Variants in SYN3 observed in about 807,000 individuals in gnomAD.
SYN3 encodes the protein synapsin III.
A neutral mutation model predicts 65.8 loss-of-function variants in SYN3; 35 were observed. That is an observed-to-expected ratio of 0.53 (90% CI 0.41 to 0.70). The LOEUF (loss-of-function observed/expected upper bound fraction) is 0.70, where lower values mean the gene tolerates loss of function less well. Ranked by LOEUF, SYN3 falls within the 30% of genes least tolerant of loss-of-function variation. The pLI is 0.00. For synonymous variants in SYN3, 270 were observed against 292.9 expected (o/e 0.92, Z 0.80); for missense variants, 680 against 749.0 (o/e 0.91, Z 1.08).
chr22:32,856,480 T>C (rs1015510346), intron 6 of SYN3, among the ~76,000 whole-genome samples: 6 of 152,144 alleles, frequency 3.9e-5, no homozygotes, highest in African/African-American at 7.2e-5. Flanking sequence ...TCAGATCCAA[T>C]GTCAGCAAGC....
At chr22:32,591,500 G>A (rs1320871628) in intron 7 of SYN3, among the ~76,000 whole-genome samples, 1 of 152,170 alleles carries the variant, frequency 6.6e-6, no homozygotes, top group Non-Finnish European at 1.5e-5. Flanking sequence ...AAGAAGTTCT[G>A]CGCTAAAAGC....
chr22:33,023,770 G>A (rs1050707009), intron 1 of SYN3, among the ~76,000 whole-genome samples: 1 of 152,188 alleles, frequency 6.6e-6, no homozygotes, highest in Non-Finnish European at 1.5e-5. Context: ...ATAAGGTGAG[G>A]TCTGGAGCTC....
At chr22:32,858,224 G>T (rs1298463330) in intron 6 of SYN3, 2 of 1,575,424 alleles carry the variant, frequency 1.3e-6, no homozygotes, top group Non-Finnish European at 1.7e-6. Context: ...TGGGTGCCAG[G>T]CCCTCGGCTG....
intron 1 of SYN3, among the ~76,000 whole-genome samples, chr22:33,043,443 G>A (rs916240057): frequency 6.6e-6 from 1 of 152,210 alleles, no homozygotes; most frequent in African/African-American, 2.4e-5. Flanking sequence ...AGCTACTGAG[G>A]AGGCTGAGGC....
intron 7 of SYN3, among the ~76,000 whole-genome samples, chr22:32,569,571 C>CTATATATATATATATA (rs1555898682): frequency 5.5e-5 from 5 of 90,936 alleles, no homozygotes; most frequent in Admixed American, 1.3e-4. Flanking sequence ...CTCTCTCTCT[C>CTATATATATATATATA]TATATATATA....
intron 3 of SYN3, among the ~76,000 whole-genome samples, chr22:32,935,026 C>T (rs1569338371): frequency 6.6e-6 from 1 of 152,164 alleles, no homozygotes; most frequent in Non-Finnish European, 1.5e-5. Context: ...TGCAGCTCTG[C>T]TGAAACCTTG....
chr22:32,958,190 A>C (rs2051527074), intron 3 of SYN3, among the ~76,000 whole-genome samples: 1 of 152,208 alleles, frequency 6.6e-6, no homozygotes, highest in Non-Finnish European at 1.5e-5. Flanking sequence ...CCGTAAACGT[A>C]GCATCACTTC....
chr22:32,903,865 G>T (rs752483561), intron 4 of SYN3, among the ~76,000 whole-genome samples: 1 of 152,238 alleles, frequency 6.6e-6, no homozygotes. Flanking sequence ...ATGCATTCAG[G>T]AGGCTGGTGG....
intron 1 of SYN3, among the ~76,000 whole-genome samples, chr22:33,047,256 G>A (rs1175456156): frequency 6.6e-6 from 1 of 152,084 alleles, no homozygotes; most frequent in Admixed American, 6.6e-5. Flanking sequence ...ATCTGTACTA[G>A]TCACCAATAC....
chr22:32,741,347 ATT>A (rs71187210), intron 6 of SYN3, among the ~76,000 whole-genome samples: 85 of 98,670 alleles, frequency 8.6e-4, no homozygotes, highest in African/African-American at 2.9e-3. Context: ...CTAGAGCCCA[ATT>A]TTTTTTTTTT....
At chr22:32,715,999 C>G (rs1445799478) in intron 6 of SYN3, among the ~76,000 whole-genome samples, 1 of 152,116 alleles carries the variant, frequency 6.6e-6, no homozygotes, top group East Asian at 1.9e-4. Context: ...GAGGAGGTGG[C>G]TGTCAGCTGA....
At chr22:32,742,326 C>T (rs1373654839) in intron 6 of SYN3, among the ~76,000 whole-genome samples, 1 of 151,828 alleles carries the variant, frequency 6.6e-6, no homozygotes. Flanking sequence ...AGCACCAAGC[C>T]CTTAGTCACA....
chr22:32,980,659 T>G lies in SYN3; in HGVS notation c.355A>C (p.Ile119Leu). The G allele has an allele frequency of 6.2e-7, 1 of 1,614,016 alleles. No homozygotes were observed. The highest frequency in any genetic ancestry group is 8.5e-7 in the Non-Finnish European group (1 of 1,179,966). The change falls in exon 3 of 14, where the codon ATC becomes CTC. Residue 119 changes from isoleucine to leucine, a missense_variant. Transcript: ENST00000358763. ...CTCCCACCTACCTGCTCCACTCGGA[T>G]CTCAATCTCTCCATTCACCTTCTTC... is the stretch of plus-strand genomic sequence containing the variant. Reference protein sequence around the residue: ...HGKKVNGEIEIRVEQAEFSEL... With the variant: ...HGKKVNGEIELRVEQAEFSEL...
At chr22:32,794,688 A>G (rs2046391207) in intron 6 of SYN3, among the ~76,000 whole-genome samples, 1 of 152,222 alleles carries the variant, frequency 6.6e-6, no homozygotes, top group South Asian at 2.1e-4. Context: ...CGAGGTGCCA[A>G]GCTGGAAGCC....
At chr22:32,824,969 G>C (rs1323632300) in intron 6 of SYN3, among the ~76,000 whole-genome samples, 1 of 152,166 alleles carries the variant, frequency 6.6e-6, no homozygotes, top group African/African-American at 2.4e-5. Flanking sequence ...TGACATAAAC[G>C]ATTAGGCTCT....
chr22:32,915,867 GA>G (rs1424797018), intron 4 of SYN3, among the ~76,000 whole-genome samples: 1 of 152,168 alleles, frequency 6.6e-6, no homozygotes, highest in Non-Finnish European at 1.5e-5. Context: ...AGAACAGATT[GA>G]AGGGGGAAAT....
At chr22:32,587,519 C>A (rs2059066435) in intron 7 of SYN3, among the ~76,000 whole-genome samples, 1 of 152,148 alleles carries the variant, frequency 6.6e-6, no homozygotes, top group Non-Finnish European at 1.5e-5. Flanking sequence ...TGCGGGGAAC[C>A]TTTTGATTTC....
chr22:32,777,517 A>G (rs2045938041), intron 6 of SYN3, among the ~76,000 whole-genome samples: 1 of 152,096 alleles, frequency 6.6e-6, no homozygotes, highest in Non-Finnish European at 1.5e-5. Flanking sequence ...CCAGATGCCA[A>G]GTCTATCTAA....
intron 7 of SYN3, among the ~76,000 whole-genome samples, chr22:32,591,925 G>A (rs576885969): frequency 6.6e-6 from 1 of 152,100 alleles, no homozygotes; most frequent in Non-Finnish European, 1.5e-5. Flanking sequence ...CCACCCACCC[G>A]TTAGCCACTT....
Sources: allele counts gnomAD v4.1 joint callset (sites outside exome capture counted in the v4.1 genomes callset), GRCh38; gene constraint gnomAD v4.1.1; transcripts MANE v1.5; gene names NCBI Gene and HGNC (gene_info 2026-07-23, HGNC 2026-07-21).